The following NOS1 variants were observed in gnomAD, a reference collection of about 807,000 sequenced individuals.
NOS1 encodes the protein NOS type I.
Under a neutral mutation model 164.5 loss-of-function variants are expected in NOS1, and 51 were observed. The ratio of observed to expected loss-of-function variants is 0.31; its 90% CI spans 0.25 to 0.39. The LOEUF (loss-of-function observed/expected upper bound fraction) is 0.39, where lower values mean the gene tolerates loss of function less well. Ranked by LOEUF, NOS1 falls within the 10% of genes least tolerant of loss-of-function variation. The pLI, the probability that NOS1 is intolerant of heterozygous loss-of-function variation, is 1.00. For missense variants in NOS1, 1,362 were observed against 1,885.6 expected (o/e 0.72, Z 5.14); for synonymous variants, 719 against 745.8 (o/e 0.96, Z 0.59).
Position 117,272,373 on chromosome 12 carries a change from G to A in NOS1, c.1839+12C>T. 1 of 1,614,080 alleles carries A rather than the reference G, an allele frequency of 6.2e-7. No homozygotes were observed. Among genetic ancestry groups the A allele is most frequent in the Non-Finnish European group, 8.5e-7 (1 of 1,179,974 alleles). ...GTGCTTTTCCCCTGTGGTGACCAGA[G>A]AGGGCCCTTACCTCCAGGATATTGT... On this transcript the variant is annotated intron_variant, in intron 10 of 28. Transcript: ENST00000317775. The surrounding 1 kb of genome is among the most constrained non-coding windows in gnomAD (Gnocchi z 4.3).
At position 117,243,543 on chromosome 12, in the gene NOS1, A is replaced by C; in HGVS notation, c.2824-108T>G. 1 of 1,184,848 alleles carries C rather than the reference A, an allele frequency of 8.4e-7. No homozygotes were observed. The highest frequency in any genetic ancestry group is 1.2e-6 in the Non-Finnish European group (1 of 847,012). 73.4% of individuals were successfully genotyped at this position (1,184,848 alleles called of 1,614,324 possible). A position where few individuals can be genotyped will look rare whatever the true frequency, so the allele number is the denominator to read the frequency against. On this transcript the variant is annotated intron_variant, in intron 18 of 28. Transcript: ENST00000317775. This position sits in a 1 kb window ranked among gnomAD's most constrained non-coding sequence, Gnocchi z 4.3. ...TCTTCATTCACCCATCCATCCATCTATCCAACCATCCATCCATCCATCCAT... is the reference window on the plus strand; with the variant it reads ...TCTTCATTCACCCATCCATCCATCTCTCCAACCATCCATCCATCCATCCAT...
rs1462942956 is a variant in NOS1 at position 117,220,261 on chromosome 12, C to T, written c.3984G>A (p.Val1328=). ...SREPDKPKKY[V]QDILQEQLAE... Reference sequence around the variant, plus strand: ...CCAGCTGCTCCTGCAGGATGTCCTGCACGTACTTCTGCAAGGAGCAGAGAG... The same window carrying T: ...CCAGCTGCTCCTGCAGGATGTCCTGTACGTACTTCTGCAAGGAGCAGAGAG... Residue 1328 remains valine, a synonymous_variant, in exon 27 of 29, where the codon GTG becomes GTA. Coordinates refer to ENST00000317775, the MANE Select transcript of NOS1 (RefSeq NM_000620.5). 1 of 1,607,336 alleles carries T rather than the reference C, an allele frequency of 6.2e-7. No individual in the cohort carries two copies. Among genetic ancestry groups the T allele is most frequent in the East Asian group, 2.2e-5 (1 of 44,860 alleles).
chr12:117,242,182 G>A (rs1870231842), intron 20 of NOS1, among the ~76,000 whole-genome samples: 1 of 152,232 alleles, frequency 6.6e-6, no homozygotes, highest in South Asian at 2.1e-4. Flanking sequence ...AAAACACAGA[G>A]TGGGCTGTTT....
At chr12:117,348,586 T>G (rs567405101) in intron 1 of NOS1, among the ~76,000 whole-genome samples, 1 of 152,234 alleles carries the variant, frequency 6.6e-6, no homozygotes, top group African/African-American at 2.4e-5. Flanking sequence ...TTAGATACTA[T>G]AGCCTCATCC....
At chr12:117,242,788 C>T (rs895030671) in intron 19 of NOS1, 83 bp from the exon 20 acceptor site, 22 of 1,249,778 alleles carry the variant, frequency 1.8e-5, no homozygotes, top group South Asian at 4.9e-5. Flanking sequence ...ACGTGGCTCA[C>T]GCCCATAATC....
chr12:117,321,356 A>T (rs550121479), intron 2 of NOS1, among the ~76,000 whole-genome samples: 1 of 152,200 alleles, frequency 6.6e-6, no homozygotes, highest in Non-Finnish European at 1.5e-5. Flanking sequence ...CCAAGGGCAG[A>T]GGTTCACCAT....
At chr12:117,247,543 T>C (rs1039547469) in intron 17 of NOS1, 21 bp from the exon 18 acceptor site, 11 of 1,599,372 alleles carry the variant, frequency 6.9e-6, no homozygotes, top group African/African-American at 1.3e-5. Flanking sequence ...GATGACAGAA[T>C]GTTCATGCTA....
chr12:117,289,008 C>T (rs531646315), intron 4 of NOS1, among the ~76,000 whole-genome samples: 1 of 152,292 alleles, frequency 6.6e-6, no homozygotes, highest in Non-Finnish European at 1.5e-5. Context: ...AATCCGTAGA[C>T]TTTTGAAAAA....
chr12:117,215,536 G>A (rs1592917633), intron 28 of NOS1, among the ~76,000 whole-genome samples: 1 of 151,798 alleles, frequency 6.6e-6, no homozygotes, highest in African/African-American at 2.4e-5. Flanking sequence ...GGGTTCAAGC[G>A]ATTCTCCTGC....
chr12:117,304,254 T>C (rs1163892176), intron 3 of NOS1, among the ~76,000 whole-genome samples: 1 of 152,028 alleles, frequency 6.6e-6, no homozygotes, highest in Non-Finnish European at 1.5e-5. Flanking sequence ...TAATGATCCT[T>C]AGCGAAAAAA....
intron 1 of NOS1, among the ~76,000 whole-genome samples, chr12:117,349,244 C>A (rs548239982): frequency 1.3e-5 from 2 of 152,342 alleles, no homozygotes; most frequent in South Asian, 4.1e-4. Context: ...TGGCTTCTTT[C>A]ACTCAGCATC....
chr12:117,277,058 C>T (rs1460881493), intron 9 of NOS1, among the ~76,000 whole-genome samples: 1 of 152,086 alleles, frequency 6.6e-6, no homozygotes, highest in Non-Finnish European at 1.5e-5. Context: ...TGAGGATCTC[C>T]AAACTCTTCT....
chr12:117,337,082 C>G (rs912115264), intron 1 of NOS1, among the ~76,000 whole-genome samples: 2 of 149,976 alleles, frequency 1.3e-5, no homozygotes, highest in African/African-American at 4.9e-5. Context: ...AGGCATGAGC[C>G]ACTGTACCCA....
At chr12:117,346,765 C>T (rs941581867) in intron 1 of NOS1, among the ~76,000 whole-genome samples, 4 of 151,832 alleles carry the variant, frequency 2.6e-5, no homozygotes, top group African/African-American at 4.8e-5. Flanking sequence ...TCTAAAGCCC[C>T]GTGTGACTTT....
At chr12:117,304,953 C>G (rs1874056577) in intron 3 of NOS1, 1 of 941,566 alleles carries the variant, frequency 1.1e-6, no homozygotes, top group Admixed American at 6.2e-5. Context: ...TCATGTCTAA[C>G]CTGCATTCGT....
intron 12 of NOS1, among the ~76,000 whole-genome samples, chr12:117,264,558 C>T (rs1166967447): frequency 8.7e-6 from 1 of 115,120 alleles, no homozygotes; most frequent in African/African-American, 3.3e-5. Context: ...TTCCCTTCTT[C>T]CTTCCTTTCT....
chr12:117,255,412 G>A (rs1871361196), intron 16 of NOS1, among the ~76,000 whole-genome samples: 1 of 152,124 alleles, frequency 6.6e-6, no homozygotes. Flanking sequence ...ATTAAAAAAA[G>A]AGAGAAAAAG....
chr12:117,330,628 C>T lies in NOS1; in HGVS notation c.442G>A (p.Ala148Thr), dbSNP rs1025151451. The change falls in exon 2 of 29, where the codon GCA (alanine) becomes ACA (threonine). Residue 148 changes from alanine to threonine, a missense_variant. Physicochemically the swap from Ala to Thr is moderately conservative, Grantham distance 58. Transcript: ENST00000317775. This position sits in a 1 kb window ranked among gnomAD's most constrained non-coding sequence, Gnocchi z 4.6. ...QPPAGKEQPL[A>T]VDGASGPGNG... Reference sequence around the variant, plus strand: ...CCGGGACCCGAGGCCCCATCCACTGCCAGGGGCTGTTCTTTGCCGGCCGGT... The same window carrying T: ...CCGGGACCCGAGGCCCCATCCACTGTCAGGGGCTGTTCTTTGCCGGCCGGT... The T allele has an allele frequency of 5.0e-6, 8 of 1,612,016 alleles. No homozygotes were observed. The highest frequency in any genetic ancestry group is 2.2e-5 in the East Asian group (1 of 44,796).
chr12:117,327,859 G>C (rs1020342713), intron 2 of NOS1, among the ~76,000 whole-genome samples: 7 of 152,146 alleles, frequency 4.6e-5, no homozygotes, highest in Non-Finnish European at 2.9e-5. Flanking sequence ...CCTCTGCCCA[G>C]GGACTTGTGA....
Sources: allele counts gnomAD v4.1 joint callset (sites outside exome capture counted in the v4.1 genomes callset), GRCh38; gene constraint gnomAD v4.1.1; non-coding constraint Gnocchi (gnomAD v3.1); transcripts MANE v1.5; gene names NCBI Gene and HGNC (gene_info 2026-07-23, HGNC 2026-07-21).